Variants in NUDT1 observed in about 807,000 individuals in gnomAD.
NUDT1 encodes the protein oxidized purine nucleoside triphosphate hydrolase.
A neutral mutation model predicts 11.3 loss-of-function variants in NUDT1; 16 were observed. The observed-to-expected ratio is 1.41, with a 90% CI of 0.96 to 2.15. NUDT1 has a LOEUF of 2.15. NUDT1 is among the 30% of genes most tolerant of loss of function. The pLI is 0.00. For synonymous variants in NUDT1, 101 were observed against 84.4 expected (o/e 1.20, Z -1.08); for missense variants, 234 against 208.4 (o/e 1.12, Z -0.76).
At position 2,249,920 on chromosome 7, in the gene NUDT1, T is replaced by A. The variant is rs151171390; in HGVS notation, c.216T>A (p.Phe72Leu). The change falls in exon 3 of 4, where the codon TTT (phenylalanine) becomes TTA (leucine). Residue 72 changes from phenylalanine (F) to leucine (L), a missense_variant. Phe to Leu is a conservative substitution (Grantham distance 22, BLOSUM62 0). Transcript: ENST00000356714. The part of the protein sequence containing the change: ...DALHKVGQIV[F>L]EFVGEPELMD... ...TGCACAAGGTGGGCCAGATCGTGTT[T>A]GAGTTCGTGGGCGAGCCTGAGCTCA... The A allele has an allele frequency of 3.1e-6, 5 of 1,614,078 alleles. No individual in the cohort carries two copies. The African/African-American group carries it at 6.7e-5, about 22-fold the overall frequency.
chr7:2,250,817 C>G lies in NUDT1; in HGVS notation c.299-12C>G. On this transcript the variant is annotated splice_polypyrimidine_tract_variant and intron_variant, in intron 3 of 3. Coordinates refer to ENST00000356714, the MANE Select transcript of NUDT1 (RefSeq NM_002452.4). ...TTGCACCTCAGTGCCTCCTCTTCCC[C>G]CATTGGTACAGAAATGCGCCCATGC... 6.2e-7 allele frequency: 1 copy of G among 1,614,026 alleles called. No homozygotes were observed. Among genetic ancestry groups the G allele is most frequent in the Non-Finnish European group, 8.5e-7 (1 of 1,179,934 alleles).
intron 2 of NUDT1, among the ~76,000 whole-genome samples, chr7:2,247,078 A>G (rs1225513167): frequency 6.6e-6 from 1 of 152,218 alleles, no homozygotes; most frequent in Non-Finnish European, 1.5e-5. Flanking sequence ...ATGACGTACC[A>G]TCAGCCACAG....
intron 2 of NUDT1, among the ~76,000 whole-genome samples, chr7:2,246,765 G>A (rs559935112): frequency 2.6e-5 from 4 of 152,254 alleles, no homozygotes; most frequent in Admixed American, 2.6e-4. Flanking sequence ...GCACAGAGCC[G>A]GAAGCCTGTG....
intron 2 of NUDT1, among the ~76,000 whole-genome samples, chr7:2,247,367 G>A (rs1451887239): frequency 1.3e-5 from 2 of 152,214 alleles, no homozygotes; most frequent in Admixed American, 6.5e-5. Flanking sequence ...CAGTCCAGAG[G>A]GCTGGACTCA....
chr7:2,243,246 C>T (rs977097557), intron 1 of NUDT1, among the ~76,000 whole-genome samples: 4 of 152,166 alleles, frequency 2.6e-5, no homozygotes, highest in East Asian at 1.9e-4. Context: ...AGGACGGGGA[C>T]GTGGCGGGCT....
At chr7:2,246,320 C>G (rs1365383734) in intron 2 of NUDT1, among the ~76,000 whole-genome samples, 3 of 152,186 alleles carry the variant, frequency 2.0e-5, no homozygotes, top group African/African-American at 7.2e-5. Context: ...GTCCATACCT[C>G]GTGGCCAGGG....
rs533458315 is a variant in NUDT1, at chr7:2,249,915, G to A, written c.211G>A (p.Val71Met). 3.1e-6 allele frequency: 5 copies of A among 1,614,200 alleles called. No individual in the cohort carries two copies. The Admixed American group carries it at 6.7e-5, about 22-fold the overall frequency. ...CGCCCTGCACAAGGTGGGCCAGATC[G>A]TGTTTGAGTTCGTGGGCGAGCCTGA... ...VDALHKVGQI[V>M]FEFVGEPELM... The change falls in exon 3 of 4, where the codon GTG becomes ATG. Residue 71 changes from valine (V) to methionine (M), a missense_variant. Transcript: ENST00000356714.
chr7:2,242,465 G>T, intron 1 of NUDT1: 1 of 492,614 alleles, frequency 2.0e-6, no homozygotes, highest in Non-Finnish European at 3.6e-6. Context: ...CAAGGAGAGC[G>T]GGGCGGAGGC....
chr7:2,248,647 G>A (rs993389436), intron 2 of NUDT1, among the ~76,000 whole-genome samples: 1 of 151,364 alleles, frequency 6.6e-6, no homozygotes, highest in Non-Finnish European at 1.5e-5. Context: ...CAACTCCTGG[G>A]CTCAAGCATT....
At chr7:2,248,908 A>G (rs11974128) in intron 2 of NUDT1, among the ~76,000 whole-genome samples, 70 of 152,320 alleles carry the variant, frequency 4.6e-4, no homozygotes, top group African/African-American at 1.6e-3. Flanking sequence ...TAATGTTTGC[A>G]TTTCTTAAGG....
intron 1 of NUDT1, chr7:2,242,798 C>T: frequency 1.7e-6 from 1 of 603,108 alleles, no homozygotes; most frequent in Non-Finnish European, 3.0e-6. Context: ...ATGTTTGCAG[C>T]TCCTGAAGCC....
Position 2,249,896 on chromosome 7 carries a change from G to A in NUDT1, c.192G>A (p.Leu64=), listed in dbSNP as rs757682130. ...QEESGLTVDA[L]HKVGQIVFEF... ...AGAGCGGTCTGACAGTGGACGCCCT[G>A]CACAAGGTGGGCCAGATCGTGTTTG... Residue 64 remains leucine (L), a synonymous_variant, in exon 3 of 4, where the codon CTG becomes CTA. Coordinates refer to ENST00000356714, the MANE Select transcript of NUDT1 (RefSeq NM_002452.4). 1 of 1,614,130 alleles carries A rather than the reference G, an allele frequency of 6.2e-7. No homozygotes were observed. Among genetic ancestry groups the A allele is most frequent in the East Asian group, 2.2e-5 (1 of 44,888 alleles).
Position 2,251,103 on chromosome 7 carries a change from GGAATTAA to G in NUDT1, c.*103_*109del. 1 of 1,178,544 alleles carries G rather than the reference GGAATTAA, an allele frequency of 8.5e-7. No homozygotes were observed. The highest frequency in any genetic ancestry group is 1.3e-6 in the Non-Finnish European group (1 of 797,080). The allele number at this position is 1,178,544 out of a possible 1,614,324, so 73.0% of individuals were successfully genotyped here. On this transcript the variant is annotated 3_prime_UTR_variant, in exon 4 of 4. Transcript: ENST00000356714. Reference sequence around the variant, plus strand: ...AGTGGCGCAGAGCCGGGTTTCATCTGGAATTAACTGGATGGAAGGGAAAATAAAGCTA... The same window carrying G: ...AGTGGCGCAGAGCCGGGTTTCATCTGCTGGATGGAAGGGAAAATAAAGCTA...
chr7:2,247,939 G>A (rs1794834528), intron 2 of NUDT1: 1 of 152,234 alleles, frequency 6.6e-6, no homozygotes, highest in Non-Finnish European at 1.5e-5. Flanking sequence ...CCAAGTAGAA[G>A]CACACGTTCA....
At chr7:2,250,126 C>T (rs1273811160) in intron 3 of NUDT1, 124 bp downstream of exon 3, 61 of 1,256,604 alleles carry the variant, frequency 4.9e-5, no homozygotes, top group Non-Finnish European at 6.7e-5. Flanking sequence ...TCCCCCTCCA[C>T]CCCACAGTGC....
intron 1 of NUDT1, chr7:2,243,052 AT>A: frequency 1.4e-6 from 1 of 715,862 alleles, no homozygotes. Flanking sequence ...TGGGAAGGTG[AT>A]TTTCCCCTGG....
chr7:2,249,482 T>G, intron 2 of NUDT1: 2 of 301,944 alleles, frequency 6.6e-6, no homozygotes, highest in Admixed American at 4.6e-5. Flanking sequence ...GGAAGTGGGG[T>G]CAGTCCCAAC....
At chr7:2,250,040 C>T (rs748839419) in intron 3 of NUDT1, 38 bp downstream of exon 3, 12 of 1,606,704 alleles carry the variant, frequency 7.5e-6, no homozygotes, top group East Asian at 4.5e-5. Flanking sequence ...CCCCACTATG[C>T]GGGTCCCATC....
At chr7:2,247,812 G>A (rs1214322616) in intron 2 of NUDT1, among the ~76,000 whole-genome samples, 7 of 152,344 alleles carry the variant, frequency 4.6e-5, no homozygotes, top group African/African-American at 1.7e-4. Flanking sequence ...ACTAAAATCA[G>A]TCACAATATC....
Sources: gnomAD v4.1 joint callset for allele counts (sites outside exome capture counted in the v4.1 genomes callset) on GRCh38, gnomAD v4.1.1 for gene constraint, MANE v1.5 for transcripts, NCBI Gene and HGNC (gene_info 2026-07-23, HGNC 2026-07-21) for gene names.